LRRC71: variants seen among roughly 807,000 people sequenced by gnomAD.
LRRC71 encodes the protein leucine rich repeat containing 71.
In LRRC71, 54 loss-of-function variants were observed where a neutral mutation model predicts 66.6. The ratio of observed to expected loss-of-function variants is 0.81; its 90% CI spans 0.65 to 1.02. LRRC71 has a LOEUF of 1.02. Among genes scored for constraint, LRRC71 ranks in the 50% least tolerant of loss-of-function variants. The pLI is 0.00. For missense variants in LRRC71, 724 were observed against 718.0 expected (o/e 1.01, Z -0.10); for synonymous variants, 323 against 303.9 (o/e 1.06, Z -0.65).
rs754072911 is a variant in LRRC71 at position 156,929,650 on chromosome 1, AGAG to A, written c.1165_1167del (p.Glu389del). The A allele has an allele frequency of 7.1e-5, 112 of 1,586,542 alleles. No individual in the cohort carries two copies. In the East Asian group the frequency reaches 7.8e-4, roughly 11 times the overall value. On this transcript the variant is annotated inframe_deletion, in exon 11 of 15. Coordinates refer to ENST00000337428, the MANE Select transcript of LRRC71 (RefSeq NM_144702.3). The stretch of plus-strand genomic sequence containing the variant: ...ATTCTCCACAGGAATTGGCCAAGAA[AGAG>A]GAGAAGTTGGGGTCTGGGCAGTCAC...
chr1:156,930,089 CTT>C lies in LRRC71; in HGVS notation c.1240+362_1240+363del, dbSNP rs1361727955. Among the ~76,000 whole-genome samples the C allele has an allele frequency of 1.3e-3, 117 of 88,870 alleles. 1 individual carries two copies. Among genetic ancestry groups the C allele is most frequent in the South Asian group, 5.1e-3 (10 of 1,980 alleles). 58.3% of individuals were successfully genotyped at this position (88,870 alleles called of 152,430 possible). Reference sequence around the variant, plus strand: ...CTTTCTTTCTTTCTTTTCTTTCTTTCTTTCTCTCTCTTTTTTTTTTTTTGATG... The same window carrying C: ...CTTTCTTTCTTTCTTTTCTTTCTTTCTCTCTCTCTTTTTTTTTTTTTGATG... On this transcript the variant is annotated intron_variant, in intron 11 of 14. Transcript: ENST00000337428.
chr1:156,932,296 A>G (rs1187989996), intron 13 of LRRC71, 128 bp from the exon 14 acceptor site: 1 of 750,874 alleles, frequency 1.3e-6, no homozygotes, highest in East Asian at 2.7e-5. Context: ...AGGTCAGGGA[A>G]AGGTGTGCCT....
intron 14 of LRRC71, 78 bp from the exon 15 acceptor site, chr1:156,932,775 C>G (rs962076615): frequency 1.4e-6 from 2 of 1,472,672 alleles, no homozygotes; most frequent in African/African-American, 1.5e-5. Flanking sequence ...CACCCTGCCC[C>G]AGGACCATTT....
At chr1:156,923,469 G>A (rs560060188) in intron 1 of LRRC71, among the ~76,000 whole-genome samples, 1 of 152,376 alleles carries the variant, frequency 6.6e-6, no homozygotes, top group African/African-American at 2.4e-5. Flanking sequence ...CTGGACAGGG[G>A]AAATGTTAAA....
downstream of LRRC71, chr1:156,937,087 G>A (rs1027542221): frequency 3.2e-6 from 5 of 1,572,506 alleles, no homozygotes; most frequent in Non-Finnish European, 4.3e-6. Flanking sequence ...CTGGGCCTTG[G>A]GGAGGAGGGT....
intron 4 of LRRC71, 92 bp downstream of exon 4, chr1:156,924,810 C>T (rs1652941488): frequency 1.4e-5 from 21 of 1,481,000 alleles, no homozygotes; most frequent in Non-Finnish European, 1.7e-5. Flanking sequence ...ATGGGAGACC[C>T]TGGCGACGGT....
chr1:156,928,405 T>TTCTTCTTCTTCTTCTTCTTCTTCTTCC (rs1557789105), intron 9 of LRRC71, among the ~76,000 whole-genome samples: 1 of 126,562 alleles, frequency 7.9e-6, no homozygotes, highest in Non-Finnish European at 1.6e-5. Flanking sequence ...CTTCTTCTTC[T>TTCTTCTTCTTCTTCTTCTTCTTCTTCC]TCCTCTTATT....
chr1:156,937,372 C>G (rs776526653), downstream of LRRC71: 4 of 1,609,266 alleles, frequency 2.5e-6, no homozygotes, highest in Admixed American at 1.7e-5. Context: ...CTCCCTGCAG[C>G]TGAGGCTGAG....
At position 156,932,415 on chromosome 1, in the gene LRRC71, T is replaced by C. The variant is rs1266166726; in HGVS notation, c.1442-9T>C. The C allele has an allele frequency of 2.5e-6, 4 of 1,611,184 alleles. No individual in the cohort carries two copies. The highest frequency in any genetic ancestry group is 3.3e-5 in the Admixed American group (2 of 59,944). ...TGCTAAGAGGCCACCTGTCTGTAACTTCCACCAGGGAACCGCATCACAGAG... is the reference window on the plus strand; with the variant it reads ...TGCTAAGAGGCCACCTGTCTGTAACCTCCACCAGGGAACCGCATCACAGAG... On this transcript the variant is annotated splice_polypyrimidine_tract_variant and intron_variant, in intron 13 of 14. Transcript: ENST00000337428.
At chr1:156,930,076 C>CTTTTTCTTTCTTTCTTTT (rs139472171) in intron 11 of LRRC71, among the ~76,000 whole-genome samples, 1 of 42,504 alleles carries the variant, frequency 2.4e-5, no homozygotes, top group African/African-American at 1.1e-4. Flanking sequence ...TTCTTTCTTT[C>CTTTTTCTTTCTTTCTTTT]TTTTCTTTCT....
intron 5 of LRRC71, among the ~76,000 whole-genome samples, chr1:156,926,026 C>A (rs1465467060): frequency 6.6e-6 from 1 of 152,190 alleles, no homozygotes; most frequent in African/African-American, 2.4e-5. Context: ...AAAGGTTGAA[C>A]AAAATAAGAA....
intron 9 of LRRC71, among the ~76,000 whole-genome samples, chr1:156,928,509 C>CTCCTCT (rs1021991765): frequency 2.0e-4 from 28 of 142,182 alleles, no homozygotes; most frequent in Non-Finnish European, 3.9e-4. Flanking sequence ...CCTCCTCCTC[C>CTCCTCT]TCCTCTTCCT....
Position 156,924,669 on chromosome 1 carries a change from G to T in LRRC71, c.466G>T (p.Gly156Cys), listed in dbSNP as rs1652921995. ...RGWKVEERIL[G>C]VFSKCLPPLT... ...TTGGAAGGTTGAGGAACGGATTCTGGGTGTCTTCTCTAAATGTCTGCCCCC... is the reference window on the plus strand; with the variant it reads ...TTGGAAGGTTGAGGAACGGATTCTGTGTGTCTTCTCTAAATGTCTGCCCCC... The change falls in exon 4 of 15, where the codon GGT becomes TGT. Residue 156 changes from glycine to cysteine, a missense_variant. Coordinates refer to ENST00000337428, the MANE Select transcript of LRRC71 (RefSeq NM_144702.3). 1.3e-6 allele frequency: 2 copies of T among 1,551,552 alleles called. No individual in the cohort carries two copies. The highest frequency in any genetic ancestry group is 1.7e-6 in the Non-Finnish European group (2 of 1,146,996).
At position 156,927,659 on chromosome 1, in the gene LRRC71, A is replaced by C. The variant is rs766491745; in HGVS notation, c.822+4A>C. The C allele has an allele frequency of 6.2e-7, 1 of 1,607,122 alleles. No individual in the cohort carries two copies. Among genetic ancestry groups the C allele is most frequent in the Admixed American group, 1.7e-5 (1 of 59,752 alleles). On this transcript the variant is annotated splice_donor_region_variant and intron_variant, in intron 7 of 14. Coordinates refer to ENST00000337428, the MANE Select transcript of LRRC71 (RefSeq NM_144702.3). ...GGGCGCAGGCTACATCGCGGACGTG[A>C]GTGCACGGCGGGGAGGGACCTGCTG...
chr1:156,940,423 T>C, the LRRC71 span: 11 of 1,598,180 alleles, frequency 6.9e-6, no homozygotes, highest in Non-Finnish European at 8.6e-6. Context: ...TGGGACCCAG[T>C]GCCTGTTTCG....
chr1:156,922,612 T>A (rs938658218), intron 1 of LRRC71, among the ~76,000 whole-genome samples: 9 of 152,170 alleles, frequency 5.9e-5, no homozygotes, highest in Non-Finnish European at 1.0e-4. Context: ...TCTGCTAAAG[T>A]GCAGAGAGCC....
chr1:156,926,372 A>C (rs865239), intron 5 of LRRC71, among the ~76,000 whole-genome samples: 1 of 151,924 alleles, frequency 6.6e-6, no homozygotes, highest in African/African-American at 2.4e-5. Flanking sequence ...CTCCAGGCTC[A>C]CTTATGTGGC....
At chr1:156,937,637 GCTCA>G, downstream of LRRC71, 1 of 873,958 alleles carries the variant, frequency 1.1e-6, no homozygotes, top group Non-Finnish European at 1.7e-6. Context: ...CGTGGGCCTT[GCTCA>G]CTGTCTGCCA....
chr1:156,936,497 A>AAAAAAAAAAAAATATATAT (rs370282821), downstream of LRRC71, among the ~76,000 whole-genome samples: 1 of 33,916 alleles, frequency 2.9e-5, no homozygotes, highest in African/African-American at 1.5e-4. Flanking sequence ...AAAAAAAAAA[A>AAAAAAAAAAAAATATATAT]ATATATATAT....
Sources: gnomAD v4.1 joint callset for allele counts (sites outside exome capture counted in the v4.1 genomes callset) on GRCh38, gnomAD v4.1.1 for gene constraint, MANE v1.5 for transcripts, NCBI Gene and HGNC (gene_info 2026-07-23, HGNC 2026-07-21) for gene names.